The following TRAPPC10 variants were observed in gnomAD, a reference collection of about 807,000 sequenced individuals.
TRAPPC10 encodes TRAPP 130 kDa subunit.
A neutral mutation model predicts 125.5 loss-of-function variants in TRAPPC10; 23 were observed. That is an observed-to-expected ratio of 0.18 (90% CI 0.13 to 0.26). The LOEUF (loss-of-function observed/expected upper bound fraction) is 0.26. Ranked by LOEUF, TRAPPC10 falls within the 10% of genes least tolerant of loss-of-function variation. The probability of loss-of-function intolerance (pLI) is 1.00; values close to 1 mark genes in which losing one functional copy is unlikely to be tolerated. For missense variants in TRAPPC10, 1,123 were observed against 1,308.4 expected, an observed-to-expected ratio of 0.86 and a Z score of 2.19; for synonymous variants, 509 against 518.0, an observed-to-expected ratio of 0.98 and a Z score of 0.24.
chr21:44,088,210 C>T (rs1358822242), intron 17 of TRAPPC10: 6 of 459,348 alleles, frequency 1.3e-5, no homozygotes, highest in East Asian at 7.9e-5. Context: ...GCATGAGGGG[C>T]GTAAAACTTG....
In TRAPPC10 at chr21:44,063,731, C is replaced by T. The variant is rs530768504; in HGVS notation, c.984C>T (p.Ala328=). The T allele has an allele frequency of 1.2e-6, 2 of 1,614,128 alleles. No homozygotes were observed. Among genetic ancestry groups the T allele is most frequent in the South Asian group, 1.1e-5 (1 of 91,076 alleles). Residue 328 remains alanine, a synonymous_variant, in exon 7 of 23, where the codon GCC becomes GCT. Coordinates refer to ENST00000291574, the MANE Select transcript of TRAPPC10 (RefSeq NM_003274.5). The surrounding 1 kb of genome is among the most constrained non-coding windows in gnomAD (Gnocchi z 4.4). ...LLFLQRPWEV[A]QRALELLHNC... ...TCCTGCAGAGGCCGTGGGAGGTGGCCCAGCGCGCCCTAGAGCTGCTGCACA... is the reference window on the plus strand; with the variant it reads ...TCCTGCAGAGGCCGTGGGAGGTGGCTCAGCGCGCCCTAGAGCTGCTGCACA...
intron 20 of TRAPPC10, among the ~76,000 whole-genome samples, chr21:44,095,032 A>G (rs2038833412): frequency 6.8e-6 from 1 of 147,716 alleles, no homozygotes; most frequent in Non-Finnish European, 1.5e-5. Context: ...TATATATTAT[A>G]ATAATAATTT....
intron 2 of TRAPPC10, among the ~76,000 whole-genome samples, chr21:44,032,985 A>G (rs2033708173): frequency 6.6e-6 from 1 of 152,228 alleles, no homozygotes; most frequent in Non-Finnish European, 1.5e-5. Flanking sequence ...TAGATCAGCC[A>G]TCACCGTTGC....
At chr21:44,048,997 A>G (rs1271854173) in intron 3 of TRAPPC10, among the ~76,000 whole-genome samples, 2 of 152,114 alleles carry the variant, frequency 1.3e-5, no homozygotes, top group East Asian at 1.9e-4. Flanking sequence ...TGTACTGAGA[A>G]TGTACTGATT....
At chr21:44,030,489 T>TG (rs1373523401) in intron 1 of TRAPPC10, among the ~76,000 whole-genome samples, 1 of 151,998 alleles carries the variant, frequency 6.6e-6, no homozygotes, top group African/African-American at 2.4e-5. Flanking sequence ...TTTTTTGAGA[T>TG]GGAGTTTCGC....
At chr21:44,048,910 G>A (rs2035048602) in intron 3 of TRAPPC10, among the ~76,000 whole-genome samples, 1 of 150,622 alleles carries the variant, frequency 6.6e-6, no homozygotes, top group South Asian at 2.1e-4. Flanking sequence ...TTGATGGAGT[G>A]TAATCTATTA....
At chr21:44,070,451 T>C (rs1047773680) in intron 7 of TRAPPC10, among the ~76,000 whole-genome samples, 2 of 151,816 alleles carry the variant, frequency 1.3e-5, no homozygotes, top group Non-Finnish European at 2.9e-5. Context: ...GGTTCCAGAG[T>C]GAGGTGACCA....
chr21:44,089,976 A>G (rs2038462264), intron 18 of TRAPPC10, 43 bp downstream of exon 18: 3 of 1,492,654 alleles, frequency 2.0e-6, no homozygotes, highest in Non-Finnish European at 2.8e-6. Context: ...CTTTCCCCAG[A>G]CTCTTCTAAG....
intron 1 of TRAPPC10, among the ~76,000 whole-genome samples, chr21:44,019,167 C>T (rs1309759756): frequency 1.3e-5 from 2 of 152,224 alleles, no homozygotes; most frequent in Non-Finnish European, 2.9e-5. Context: ...GGTGATTCTC[C>T]CACCTCAATC....
At chr21:44,092,924 G>A (rs2038685970) in intron 19 of TRAPPC10, among the ~76,000 whole-genome samples, 1 of 152,068 alleles carries the variant, frequency 6.6e-6, no homozygotes, top group African/African-American at 2.4e-5. Context: ...AGCCTCCTGA[G>A]TAGCTGGGAT....
intron 1 of TRAPPC10, among the ~76,000 whole-genome samples, chr21:44,020,004 G>A (rs188494646): frequency 6.6e-6 from 1 of 152,080 alleles, no homozygotes; most frequent in Admixed American, 6.5e-5. Flanking sequence ...TGGCTTTTTG[G>A]ACATTTGTTA....
At chr21:44,075,954 C>T (rs920376316) in intron 9 of TRAPPC10, among the ~76,000 whole-genome samples, 45 of 152,030 alleles carry the variant, frequency 3.0e-4, no homozygotes, top group African/African-American at 1.1e-3. Context: ...GAGGCTGAGG[C>T]AGGAGAATCG....
At chr21:44,076,287 C>T (rs1401742284) in intron 9 of TRAPPC10, among the ~76,000 whole-genome samples, 4 of 152,132 alleles carry the variant, frequency 2.6e-5, no homozygotes, top group East Asian at 1.9e-4. Flanking sequence ...TTTAATTCAT[C>T]GGAGTATTTG....
At chr21:44,033,583 C>T (rs1268697297) in intron 2 of TRAPPC10, among the ~76,000 whole-genome samples, 18 of 152,152 alleles carry the variant, frequency 1.2e-4, no homozygotes, top group East Asian at 5.8e-4. Context: ...TATGTAGGCC[C>T]GGCATGGTGG....
intron 19 of TRAPPC10, among the ~76,000 whole-genome samples, chr21:44,093,188 G>A (rs1390780305): frequency 1.3e-5 from 2 of 152,208 alleles, no homozygotes; most frequent in Non-Finnish European, 2.9e-5. Flanking sequence ...TTTGGGCATG[G>A]TGGCTCACAC....
At chr21:44,015,542 C>T (rs1252450882) in intron 1 of TRAPPC10, among the ~76,000 whole-genome samples, 1 of 152,000 alleles carries the variant, frequency 6.6e-6, no homozygotes, top group Admixed American at 6.6e-5. Context: ...TGCCAAGTAG[C>T]CAGCACTACA....
chr21:44,056,031 G>A, intron 5 of TRAPPC10, 138 bp downstream of exon 5: 1 of 714,230 alleles, frequency 1.4e-6, no homozygotes, highest in Non-Finnish European at 2.1e-6. Flanking sequence ...CAAAAAACCT[G>A]GAATATCTTT....
Position 44,087,608 on chromosome 21 carries a change from G to A in TRAPPC10, c.2540-91G>A. On this transcript the variant is annotated intron_variant, in intron 16 of 22. Coordinates refer to ENST00000291574, the MANE Select transcript of TRAPPC10 (RefSeq NM_003274.5). This position sits in a 1 kb window ranked among gnomAD's most constrained non-coding sequence, Gnocchi z 4.6. Reference sequence around the variant, plus strand: ...GCAGGAGCGGGAGAGGTTGAGCAGTGGCCTCACTGCTGGGCCATCACCTGC... The same window carrying A: ...GCAGGAGCGGGAGAGGTTGAGCAGTAGCCTCACTGCTGGGCCATCACCTGC... The A allele has an allele frequency of 8.7e-7, 1 of 1,145,194 alleles. No individual in the cohort carries two copies. The allele number at this position is 1,145,194 out of a possible 1,614,324, so 70.9% of individuals were successfully genotyped here.
rs549264685 is a variant in TRAPPC10 at position 44,065,235 on chromosome 21, A to G, written c.1038+1450A>G. Among the ~76,000 whole-genome samples, 4 of 152,244 alleles carry G rather than the reference A, an allele frequency of 2.6e-5. No homozygotes were observed. In the East Asian group the frequency reaches 7.7e-4, roughly 29 times the overall value. On this transcript the variant is annotated intron_variant, in intron 7 of 22. Transcript: ENST00000291574. ...TGGCTGGAAGGAGAAATGTGTAAGT[A>G]ATAGAGGGTGTGGGCTCTGGAGTTC...
Sources: gnomAD v4.1 joint callset for allele counts (sites outside exome capture counted in the v4.1 genomes callset) on GRCh38, gnomAD v4.1.1 for gene constraint, Gnocchi (gnomAD v3.1) non-coding constraint, MANE v1.5 for transcripts, NCBI Gene and HGNC (gene_info 2026-07-23, HGNC 2026-07-21) for gene names.